The following CACNA1A variants were observed in gnomAD, a reference collection of about 807,000 sequenced individuals.
The protein encoded by CACNA1A is calcium voltage-gated channel subunit alpha1 A.
Under a neutral mutation model 262.4 loss-of-function variants are expected in CACNA1A, and 57 were observed. The ratio of observed to expected loss-of-function variants is 0.22; its 90% CI spans 0.18 to 0.27. The LOEUF is 0.27. Among genes scored for constraint, CACNA1A ranks in the 10% least tolerant of loss-of-function variants. The pLI is 1.00. For synonymous variants in CACNA1A, 1,431 were observed against 1,419.3 expected, an observed-to-expected ratio of 1.01 and a Z score of -0.18; for missense variants, 2,526 against 3,562.8, an observed-to-expected ratio of 0.71 and a Z score of 7.41.
At chr19:13,475,043 G>C (rs1978358385) in intron 1 of CACNA1A, among the ~76,000 whole-genome samples, 2 of 152,174 alleles carry the variant, frequency 1.3e-5, no homozygotes, top group Admixed American at 6.5e-5. Context: ...ACTATAGGAA[G>C]AAATTGGAAA....
At chr19:13,285,785 C>G (rs563240615) in intron 20 of CACNA1A, among the ~76,000 whole-genome samples, 101 of 152,112 alleles carry the variant, frequency 6.6e-4, no homozygotes, top group Non-Finnish European at 4.6e-4. Flanking sequence ...GCAGGCTGAG[C>G]CTCTCTGAGC....
At chr19:13,276,696 TC>T (rs1366355851) in intron 23 of CACNA1A, among the ~76,000 whole-genome samples, 6 of 85,650 alleles carry the variant, frequency 7.0e-5, no homozygotes, top group Admixed American at 1.2e-4. Context: ...GAATCCCAGC[TC>T]TTTTTTTTTT....
At chr19:13,248,571 G>C (rs538233960) in intron 30 of CACNA1A, among the ~76,000 whole-genome samples, 1 of 152,172 alleles carries the variant, frequency 6.6e-6, no homozygotes, top group South Asian at 2.1e-4. Context: ...GGCTAGGTAC[G>C]GTGGCTCATG....
rs1196739807 is a variant in CACNA1A, at chr19:13,334,561, TTGTGTGTGTGTG to T, written c.1083-80_1083-69del. 5.0e-4 allele frequency: 156 copies of T among 312,726 alleles called. No homozygotes were observed. In the East Asian group the frequency reaches 5.7e-3, roughly 11 times the overall value. 19.4% of individuals were successfully genotyped at this position (312,726 alleles called of 1,614,324 possible). Reference sequence around the variant, plus strand: ...TGTTAGGAAACGTTTGTGTGTGTGTTTGTGTGTGTGTGTGTGTGTGTGTGTGTGTGTTTGTGT... The same window carrying T: ...TGTTAGGAAACGTTTGTGTGTGTGTTTGTGTGTGTGTGTGTGTGTTTGTGT... On this transcript the variant is annotated intron_variant, in intron 7 of 46. Transcript: ENST00000360228.
chr19:13,477,225 C>T (rs1297225619), intron 1 of CACNA1A, among the ~76,000 whole-genome samples: 2 of 152,206 alleles, frequency 1.3e-5, no homozygotes, highest in Non-Finnish European at 2.9e-5. Context: ...CCAATGCCAT[C>T]GCCTCGATAA....
intron 1 of CACNA1A, among the ~76,000 whole-genome samples, chr19:13,502,157 T>TA (rs57962801): frequency 0.018 from 2,541 of 137,942 alleles, 67 homozygotes; most frequent in East Asian, 0.1. Flanking sequence ...GAGCTTTTCT[T>TA]AAAAAAAAAA....
Position 13,464,688 on chromosome 19 carries a change from A to G in CACNA1A, c.294-9476T>C, listed in dbSNP as rs562246172. ...CTCAGCCTCCCGAGTAGCTGGGATTACAGGCGCCTGCCACCGCGCCCGGCT... is the reference window on the plus strand; with the variant it reads ...CTCAGCCTCCCGAGTAGCTGGGATTGCAGGCGCCTGCCACCGCGCCCGGCT... On this transcript the variant is annotated intron_variant, in intron 1 of 46. Transcript: ENST00000360228. 5.5e-4 allele frequency among the ~76,000 whole-genome samples: 84 copies of G among 151,632 alleles called. 3 individuals are homozygous for G. The East Asian group carries it at 0.016, about 29-fold the overall frequency.
At chr19:13,363,513 CA>C (rs869262911) in intron 5 of CACNA1A, 28 of 140,018 alleles carry the variant, frequency 2.0e-4, no homozygotes, top group African/African-American at 7.4e-4. Flanking sequence ...ACCAACAAAC[CA>C]AAACCCACAA....
chr19:13,241,798 T>A lies in CACNA1A; in HGVS notation c.4950+3384A>T, dbSNP rs1297833197. Among the ~76,000 whole-genome samples the A allele has an allele frequency of 6.6e-6, 1 of 152,138 alleles. No individual in the cohort carries two copies. Among genetic ancestry groups the A allele is most frequent in the African/African-American group, 2.4e-5 (1 of 41,410 alleles). On this transcript the variant is annotated intron_variant, in intron 31 of 46. Transcript: ENST00000360228. The surrounding 1 kb of genome is among the most constrained non-coding windows in gnomAD (Gnocchi z 4.0). ...ACGGCGTTGCGCCAATATACAGTTT[T>A]AAGAGCAGGCATGAAAAGAGACAAG... is the stretch of plus-strand genomic sequence containing the variant.
chr19:13,315,684 TG>T (rs1315141156), intron 11 of CACNA1A: 2 of 152,292 alleles, frequency 1.3e-5, no homozygotes, highest in African/African-American at 2.4e-5. Context: ...AGGGGTGTCC[TG>T]GGGGGTCAGC....
intron 3 of CACNA1A, among the ~76,000 whole-genome samples, chr19:13,413,313 A>T (rs543283220): frequency 6.6e-6 from 1 of 151,022 alleles, no homozygotes; most frequent in Non-Finnish European, 1.5e-5. Context: ...TCACTGTGTT[A>T]GCCAGGATGG....
intron 3 of CACNA1A, among the ~76,000 whole-genome samples, chr19:13,432,101 C>T (rs1469863758): frequency 1.2e-5 from 1 of 82,784 alleles, no homozygotes. Context: ...GAGACTCCGT[C>T]TCAAAAAAAA....
intron 30 of CACNA1A, among the ~76,000 whole-genome samples, chr19:13,250,201 A>G (rs2056359023): frequency 6.6e-6 from 1 of 151,090 alleles, no homozygotes; most frequent in African/African-American, 2.4e-5. Context: ...CTGGGATTAC[A>G]GGCACACGCC....
At chr19:13,228,634 T>G in intron 36 of CACNA1A, 1 of 458,314 alleles carries the variant, frequency 2.2e-6, no homozygotes. Context: ...ATGAAATATA[T>G]ATATTGAAGA....
intron 38 of CACNA1A, among the ~76,000 whole-genome samples, chr19:13,216,318 G>C (rs1189521649): frequency 6.6e-6 from 1 of 152,076 alleles, no homozygotes; most frequent in Non-Finnish European, 1.5e-5. Context: ...TTTGGGGCCA[G>C]AGCATTTATT....
At chr19:13,218,128 T>C (rs1197123269) in intron 38 of CACNA1A, among the ~76,000 whole-genome samples, 1 of 152,028 alleles carries the variant, frequency 6.6e-6, no homozygotes, top group East Asian at 1.9e-4. Flanking sequence ...TTTTGCTCTA[T>C]TGCCCAGGCT....
chr19:13,266,608 C>CT (rs1169813282), intron 24 of CACNA1A, among the ~76,000 whole-genome samples: 1 of 148,112 alleles, frequency 6.8e-6, no homozygotes, highest in Admixed American at 6.7e-5. Context: ...GAGTCTCACT[C>CT]TGTCACCCAG....
chr19:13,223,050 G>A (rs1393033473), intron 38 of CACNA1A, among the ~76,000 whole-genome samples: 2 of 151,218 alleles, frequency 1.3e-5, no homozygotes, highest in African/African-American at 4.9e-5. Flanking sequence ...TTTGAGCTAG[G>A]ATCTCGTTCT....
At chr19:13,350,965 C>T (rs931173777) in intron 6 of CACNA1A, among the ~76,000 whole-genome samples, 4 of 152,170 alleles carry the variant, frequency 2.6e-5, no homozygotes, top group African/African-American at 4.8e-5. Flanking sequence ...TGCATCATCG[C>T]ACTCCAGCTT....
Sources: gnomAD v4.1 joint callset for allele counts (sites outside exome capture counted in the v4.1 genomes callset) on GRCh38, gnomAD v4.1.1 for gene constraint, Gnocchi (gnomAD v3.1) non-coding constraint, MANE v1.5 for transcripts, NCBI Gene and HGNC (gene_info 2026-07-23, HGNC 2026-07-21) for gene names.